Variants in TMPRSS9 observed in about 807,000 individuals in gnomAD.
The protein encoded by TMPRSS9 is transmembrane protease serine 9.
A neutral mutation model predicts 111.4 loss-of-function variants in TMPRSS9; 113 were observed. The ratio of observed to expected loss-of-function variants is 1.01; its 90% CI spans 0.87 to 1.19. The LOEUF (loss-of-function observed/expected upper bound fraction) is 1.19. TMPRSS9 is among the 50% of genes most tolerant of loss of function. The pLI is 0.00. For missense variants in TMPRSS9, 1,803 were observed against 1,513.1 expected, an observed-to-expected ratio of 1.19 and a Z score of -3.18; for synonymous variants, 805 against 659.1, an observed-to-expected ratio of 1.22 and a Z score of -3.39.
chr19:2,377,025 C>T (rs1970340896), intron 1 of TMPRSS9, among the ~76,000 whole-genome samples: 1 of 151,628 alleles, frequency 6.6e-6, no homozygotes, highest in Non-Finnish European at 1.5e-5. Flanking sequence ...CACGGGTGGG[C>T]GGCTCCCTCA....
chr19:2,378,530 C>T (rs1163343935), intron 1 of TMPRSS9, among the ~76,000 whole-genome samples: 1 of 152,112 alleles, frequency 6.6e-6, no homozygotes, highest in Non-Finnish European at 1.5e-5. Flanking sequence ...CCAGCCTGGC[C>T]AATATGGTGA....
At chr19:2,403,543 G>C (rs1032369768) in intron 6 of TMPRSS9, among the ~76,000 whole-genome samples, 2 of 152,028 alleles carry the variant, frequency 1.3e-5, no homozygotes, top group African/African-American at 4.8e-5. Flanking sequence ...TGTGAGCAAC[G>C]GAAAGAGACA....
intron 16 of TMPRSS9, 26 bp downstream of exon 17, chr19:2,425,293 T>A (rs1400043954): frequency 2.2e-5 from 27 of 1,223,386 alleles, no homozygotes; most frequent in Non-Finnish European, 2.8e-5. Flanking sequence ...GCCGCGGTGG[T>A]GCGGGGCTCG....
intron 10 of TMPRSS9, 71 bp from the exon 12 acceptor site, chr19:2,415,599 G>A: frequency 7.3e-7 from 1 of 1,376,754 alleles, no homozygotes; most frequent in Non-Finnish European, 9.6e-7. Flanking sequence ...GGTGTCCTGG[G>A]ACCACCCCAC....
chr19:2,408,703 G>A (rs1971025119), intron 8 of TMPRSS9, 73 bp downstream of exon 9: 1 of 1,547,400 alleles, frequency 6.5e-7, no homozygotes, highest in African/African-American at 1.4e-5. Context: ...AGGGCCAGGT[G>A]AGGTGGCTCA....
upstream of TMPRSS9, among the ~76,000 whole-genome samples, chr19:2,386,100 C>T (rs1487231988): frequency 6.6e-6 from 1 of 152,026 alleles, no homozygotes; most frequent in Non-Finnish European, 1.5e-5. Flanking sequence ...ACGTGCCCCA[C>T]CATGCCCAGC....
At chr19:2,423,577 A>AC (rs537093324) in intron 14 of TMPRSS9, among the ~76,000 whole-genome samples, 246 of 151,876 alleles carry the variant, frequency 1.6e-3, no homozygotes, top group African/African-American at 5.6e-3. Flanking sequence ...TGGGTATGGG[A>AC]CCCCCTCCAT....
intron 1 of TMPRSS9, among the ~76,000 whole-genome samples, chr19:2,392,931 C>T (rs1332624197): frequency 6.6e-6 from 1 of 152,146 alleles, no homozygotes; most frequent in East Asian, 1.9e-4. Context: ...CTAGTGGGGA[C>T]TTGGAGAACT....
At chr19:2,417,146 TTTAA>T (rs1410105866) in intron 12 of TMPRSS9, among the ~76,000 whole-genome samples, 1 of 152,190 alleles carries the variant, frequency 6.6e-6, no homozygotes, top group East Asian at 1.9e-4. Flanking sequence ...GCTGAAAATA[TTTAA>T]TTCTCTGACC....
chr19:2,403,222 C>A, intron 6 of TMPRSS9, 27 bp downstream of exon 7: 1 of 1,567,400 alleles, frequency 6.4e-7, no homozygotes, highest in Non-Finnish European at 8.7e-7. Context: ...GGCCTGGTCT[C>A]TGGGCCCCTT....
upstream of TMPRSS9, chr19:2,389,680 A>G: frequency 2.9e-6 from 4 of 1,398,010 alleles, no homozygotes; most frequent in Admixed American, 2.2e-5. Flanking sequence ...TTTTAAGGGT[A>G]TAGTTGCAAC....
At chr19:2,388,793 G>T (rs568212649), upstream of TMPRSS9, among the ~76,000 whole-genome samples, 2 of 151,552 alleles carry the variant, frequency 1.3e-5, no homozygotes, top group African/African-American at 4.8e-5. Flanking sequence ...GCTAATTTTT[G>T]TTCATTTTTT....
chr19:2,390,388 C>A (rs902060515), intron 1 of TMPRSS9, among the ~76,000 whole-genome samples: 20 of 150,102 alleles, frequency 1.3e-4, no homozygotes, highest in African/African-American at 3.9e-4. Flanking sequence ...GGACTACAGG[C>A]GCCCGCCACC....
intron 1 of TMPRSS9, among the ~76,000 whole-genome samples, chr19:2,382,514 A>G (rs1274802083): frequency 6.6e-6 from 1 of 152,192 alleles, no homozygotes; most frequent in Non-Finnish European, 1.5e-5. Context: ...CAGATTAGAG[A>G]CAGAATTCTT....
chr19:2,421,134 A>AG (rs953519988), intron 13 of TMPRSS9, among the ~76,000 whole-genome samples: 30 of 151,408 alleles, frequency 2.0e-4, no homozygotes, highest in African/African-American at 6.8e-4. Context: ...TGAACCCAGG[A>AG]GGTGGAGGTT....
At chr19:2,421,438 A>G (rs1044935936) in intron 13 of TMPRSS9, among the ~76,000 whole-genome samples, 14 of 151,224 alleles carry the variant, frequency 9.3e-5, no homozygotes, top group South Asian at 2.1e-4. Context: ...ACAGGCGCCC[A>G]CCACCACGCC....
At chr19:2,421,876 C>A in exon 14 of TMPRSS9, 1 of 1,608,674 alleles carries the variant, frequency 6.2e-7, no homozygotes, top group Non-Finnish European at 8.5e-7. Flanking sequence ...GGCCCCCTGG[C>A]CTGCGAGGAG....
In TMPRSS9 at chr19:2,416,839, G is replaced by A. The variant is rs745423504; in HGVS notation, c.2017+30G>A. ...GCGCTGCCCCATCGAGGGGAACGGTGGATTTATTCTCCAGGGCCTGGCCTG... is the reference window on the plus strand; with the variant it reads ...GCGCTGCCCCATCGAGGGGAACGGTAGATTTATTCTCCAGGGCCTGGCCTG... On this transcript the variant is annotated intron_variant, in intron 12 of 17. Transcript: ENST00000648592. 2.5e-6 allele frequency: 4 copies of A among 1,578,342 alleles called. No homozygotes were observed. In the Admixed American group the frequency reaches 5.1e-5, roughly 20 times the overall value.
intron 17 of TMPRSS9, 119 bp from the exon 19 acceptor site, chr19:2,425,808 T>G (rs1249298376): frequency 7.3e-6 from 10 of 1,373,264 alleles, no homozygotes; most frequent in South Asian, 3.0e-5. Flanking sequence ...ATTTTCCAGA[T>G]AGTGAAAATG....
Sources: allele counts gnomAD v4.1 joint callset (sites outside exome capture counted in the v4.1 genomes callset), GRCh38; gene constraint gnomAD v4.1.1; transcripts MANE v1.5; gene names NCBI Gene and HGNC (gene_info 2026-07-23, HGNC 2026-07-21).